The following TEX14 variants were observed in gnomAD, a reference collection of about 807,000 sequenced individuals.
TEX14 encodes inactive serine/threonine-protein kinase TEX14.
TEX14 carries 168 observed loss-of-function variants against 178.6 expected under a neutral mutation model. That is an observed-to-expected ratio of 0.94 (90% CI 0.83 to 1.07). The LOEUF (loss-of-function observed/expected upper bound fraction) is 1.07. Among genes scored for constraint, TEX14 ranks in the 50% least tolerant of loss-of-function variants. The probability of loss-of-function intolerance (pLI) is 0.00; values close to 1 mark genes in which losing one functional copy is unlikely to be tolerated. For synonymous variants in TEX14, 626 were observed against 634.1 expected, an observed-to-expected ratio of 0.99 and a Z score of 0.19; for missense variants, 1,730 against 1,753.6, an observed-to-expected ratio of 0.99 and a Z score of 0.24.
At chr17:58,616,332 A>C (rs764041351) in intron 6 of TEX14, 27 bp from the exon 7 acceptor site, 1 of 1,605,762 alleles carries the variant, frequency 6.2e-7, no homozygotes. Context: ...GCCTCAAATT[A>C]TGGGGAGAAG....
chr17:58,591,027 CT>C (rs567160628), intron 15 of TEX14, among the ~76,000 whole-genome samples: 1 of 151,702 alleles, frequency 6.6e-6, no homozygotes, highest in African/African-American at 2.4e-5. Flanking sequence ...AAATGTCAAA[CT>C]TTTTTTTGGT....
chr17:58,652,546 A>C (rs2046861988), intron 1 of TEX14, among the ~76,000 whole-genome samples: 1 of 152,164 alleles, frequency 6.6e-6, no homozygotes, highest in Admixed American at 6.6e-5. Flanking sequence ...AGCACTGCAG[A>C]ACTATGAGTC....
intron 1 of TEX14, among the ~76,000 whole-genome samples, chr17:58,660,154 C>A (rs2047078300): frequency 6.6e-6 from 1 of 150,838 alleles, no homozygotes; most frequent in Non-Finnish European, 1.5e-5. Flanking sequence ...TCTGTAATCC[C>A]AGCACTTTGG....
intron 3 of TEX14, among the ~76,000 whole-genome samples, chr17:58,623,624 T>C (rs1257923118): frequency 1.3e-5 from 2 of 152,144 alleles, no homozygotes; most frequent in Non-Finnish European, 2.9e-5. Context: ...GTCCAGGATA[T>C]GGTGAGGATA....
chr17:58,599,644 C>A lies in TEX14; in HGVS notation c.1701G>T (p.Arg567Ser), dbSNP rs753406207. The change falls in exon 14 of 32, where the codon AGG (arginine) becomes AGT (serine). Residue 567 changes from arginine to serine, a missense_variant. Around this residue, in one of 2 missense-constraint regions of TEX14, gnomAD observed 941 missense variants for 1,072.4 expected, o/e 0.88. Transcript: ENST00000349033. ...KEMGSQPHSPRVHSLFTEGTL... is the reference protein window; with the variant it reads ...KEMGSQPHSPSVHSLFTEGTL... ...TCCCCTCAGTGAATAAAGAGTGAAC[C>A]CTTGGTGAATGAGGTTGACTGCCTA... is the stretch of plus-strand genomic sequence containing the variant. The A allele has an allele frequency of 1.2e-6, 2 of 1,611,586 alleles. No homozygotes were observed. Among genetic ancestry groups the A allele is most frequent in the Middle Eastern group, 1.7e-4 (1 of 6,050 alleles).
At chr17:58,670,244 G>C (rs2047281485) in intron 1 of TEX14, among the ~76,000 whole-genome samples, 1 of 152,114 alleles carries the variant, frequency 6.6e-6, no homozygotes, top group African/African-American at 2.4e-5. Flanking sequence ...ACTACAGACT[G>C]TCGAAGGACC....
chr17:58,619,583 G>A (rs1057446315), intron 5 of TEX14, among the ~76,000 whole-genome samples: 4 of 152,096 alleles, frequency 2.6e-5, no homozygotes, highest in African/African-American at 4.8e-5. Context: ...AGAGGCAGGC[G>A]GATCACCTGA....
Position 58,601,936 on chromosome 17 carries a change from T to C in TEX14, c.1548A>G (p.Arg516=), listed in dbSNP as rs1275768251. 1 of 1,613,032 alleles carries C rather than the reference T, an allele frequency of 6.2e-7. No homozygotes were observed. The highest frequency in any genetic ancestry group is 1.3e-5 in the African/African-American group (1 of 74,854). Residue 516 remains arginine (R), a synonymous_variant, in exon 13 of 32, where the codon AGA becomes AGG. Transcript: ENST00000349033. ...NDLKDFTGAQ[R]TQPTESPRVQ... ...CTCTGGGGCTCTCGGTTGGTTGAGT[T>C]CTCTGGGCTCCAGTAAAATCCTGTA...
At position 58,556,790 on chromosome 17, in the gene TEX14, A is replaced by T; in HGVS notation, c.*221T>A. ...ACAACCAAAAATTTTTACTATCAAA[A>T]CTACCTCTCACTTTTCAGAAATCTG... On this transcript the variant is annotated 3_prime_UTR_variant, in exon 32 of 32. Coordinates refer to ENST00000349033, the MANE Select transcript of TEX14 (RefSeq NM_031272.5). 1 of 480,380 alleles carries T rather than the reference A, an allele frequency of 2.1e-6. No individual in the cohort carries two copies. The highest frequency in any genetic ancestry group is 4.8e-5 in the South Asian group (1 of 20,928). The allele number at this position is 480,380 out of a possible 1,614,324, so 29.8% of individuals were successfully genotyped here.
chr17:58,570,569 T>C (rs1266423486), intron 24 of TEX14, 85 bp from the exon 25 acceptor site: 12 of 947,712 alleles, frequency 1.3e-5, no homozygotes, highest in Admixed American at 6.6e-5. Context: ...AGTTGTTTTG[T>C]TGATTAAGTC....
Position 58,587,933 on chromosome 17 carries a change from G to T in TEX14, c.2665C>A (p.Pro889Thr). The T allele has an allele frequency of 6.2e-7, 1 of 1,613,688 alleles. No individual in the cohort carries two copies. The highest frequency in any genetic ancestry group is 8.5e-7 in the Non-Finnish European group (1 of 1,179,744). Residue 889 changes from proline (P) to threonine (T), a missense_variant, in exon 16 of 32, where the codon CCT (proline) becomes ACT (threonine). Pro to Thr is a conservative substitution (Grantham distance 38). Transcript: ENST00000349033. ...CAGTGACAGCTGGGTGATGCAGAAG[G>T]TCCCTGCCGGTGGCTTGACAGAGTG... ...LFTLSSHRQG[P>T]SASPSCHWDS...
intron 3 of TEX14, among the ~76,000 whole-genome samples, chr17:58,627,769 CAAA>C (rs34691705): frequency 3.0e-5 from 2 of 66,952 alleles, no homozygotes; most frequent in Non-Finnish European, 5.4e-5. Flanking sequence ...GACTCTATCT[CAAA>C]AAAAAAAAAA....
At chr17:58,666,458 C>CAAACA (rs1555583923) in intron 1 of TEX14, 1 of 36,812 alleles carries the variant, frequency 2.7e-5, no homozygotes. Flanking sequence ...CCTTCCACGG[C>CAAACA]AAAAAAAAAA....
intron 2 of TEX14, among the ~76,000 whole-genome samples, chr17:58,650,338 C>T (rs2046813866): frequency 1.3e-5 from 2 of 152,230 alleles, no homozygotes; most frequent in South Asian, 4.1e-4. Flanking sequence ...AGGTGTGAGT[C>T]ACCATGCCTG....
intron 1 of TEX14, among the ~76,000 whole-genome samples, chr17:58,682,324 C>T (rs1408922409): frequency 6.6e-6 from 1 of 151,290 alleles, no homozygotes; most frequent in African/African-American, 2.4e-5. Flanking sequence ...GTGGTGCCAT[C>T]TCAGCTCACT....
chr17:58,679,519 G>A (rs942732919), intron 1 of TEX14: 2 of 152,152 alleles, frequency 1.3e-5, no homozygotes, highest in African/African-American at 4.8e-5. Flanking sequence ...TTATAAACAA[G>A]CCAGATCAGG....
At chr17:58,639,780 T>C (rs2046530659) in intron 2 of TEX14, among the ~76,000 whole-genome samples, 2 of 152,144 alleles carry the variant, frequency 1.3e-5, no homozygotes, top group Admixed American at 1.3e-4. Flanking sequence ...ATCTCAGCAG[T>C]TGCTCACAAC....
At chr17:58,660,294 G>C (rs890286512) in intron 1 of TEX14, 2 of 175,392 alleles carry the variant, frequency 1.1e-5, no homozygotes, top group African/African-American at 4.8e-5. Flanking sequence ...CCAGCTACTC[G>C]GGAGGCTGAG....
At chr17:58,562,280 G>T (rs2044288527) in intron 28 of TEX14, among the ~76,000 whole-genome samples, 1 of 152,134 alleles carries the variant, frequency 6.6e-6, no homozygotes, top group Admixed American at 6.6e-5. Context: ...GTTTTTCCAA[G>T]AAAAGGCTAG....
Sources: gnomAD v4.1 joint callset for allele counts (sites outside exome capture counted in the v4.1 genomes callset) on GRCh38, gnomAD v4.1.1 for gene constraint, gnomAD v4.1.1 regional missense constraint, MANE v1.5 for transcripts, NCBI Gene and HGNC (gene_info 2026-07-23, HGNC 2026-07-21) for gene names.